Variants in SPRY3 observed in about 807,000 individuals in gnomAD.
The protein encoded by SPRY3 is sprouty RTK signaling antagonist 3.
Under a neutral mutation model 20.2 loss-of-function variants are expected in SPRY3, and 15 were observed. That is an observed-to-expected ratio of 0.74 (90% CI 0.50 to 1.14). The LOEUF (loss-of-function observed/expected upper bound fraction) is 1.14. Ranked by LOEUF, SPRY3 falls within the 50% of genes most tolerant of loss-of-function variation. The pLI, the probability that SPRY3 is intolerant of heterozygous loss-of-function variation, is 0.00. For missense variants in SPRY3, 364 were observed against 363.9 expected, an observed-to-expected ratio of 1.00 and a Z score of 0.00; for synonymous variants, 143 against 136.5, an observed-to-expected ratio of 1.05 and a Z score of -0.33.
intron 1 of SPRY3, among the ~76,000 whole-genome samples, chrX:155,631,567 T>C (rs2067906535): frequency 8.9e-6 from 1 of 112,298 alleles, no homozygotes; most frequent in East Asian, 2.8e-4. Flanking sequence ...CCATCAATGG[T>C]GTATAAGCAT....
intron 1 of SPRY3, among the ~76,000 whole-genome samples, chrX:155,633,124 G>A (rs150448969): frequency 9.0e-6 from 1 of 110,995 alleles, no homozygotes; most frequent in East Asian, 2.8e-4. Context: ...TGAAATAGAT[G>A]GGTAGATTAC....
At position 155,619,306 on chromosome X, in the gene SPRY3, T is replaced by C. The variant is rs1273277009; in HGVS notation, c.-441+6659T>C. Among the ~76,000 whole-genome samples the C allele has an allele frequency of 4.5e-5, 5 of 111,149 alleles. No homozygotes were observed. In the East Asian group the frequency reaches 1.1e-3, roughly 25 times the overall value. ...GGCTATCCTTACTTTTTTTTTAACT[T>C]GCTTTTGCACATTTGTCAAAAGTCA... On this transcript the variant is annotated intron_variant, in intron 1 of 3. Transcript: ENST00000675360.
chrX:155,733,623 A>T (rs1038025354), intron 2 of SPRY3, among the ~76,000 whole-genome samples: 4 of 152,156 alleles, frequency 2.6e-5, no homozygotes, highest in African/African-American at 9.6e-5. Flanking sequence ...CACCAGCTGC[A>T]TTAGCCCTTA....
intron 1 of SPRY3, among the ~76,000 whole-genome samples, chrX:155,623,777 G>C: frequency 8.9e-6 from 1 of 112,314 alleles, no homozygotes; most frequent in Non-Finnish European, 1.9e-5. Flanking sequence ...CAGCTTTGCT[G>C]ATTTCTGCAT....
intron 3 of SPRY3, among the ~76,000 whole-genome samples, chrX:155,768,441 G>A (rs189795223): frequency 1.6e-3 from 246 of 152,102 alleles, no homozygotes; most frequent in Admixed American, 4.1e-3. Flanking sequence ...ATGCATTTTG[G>A]TACTTGCCTA....
chrX:155,734,939 A>T (rs1379558663), intron 2 of SPRY3, among the ~76,000 whole-genome samples: 2 of 151,772 alleles, frequency 1.3e-5, no homozygotes, highest in Non-Finnish European at 2.9e-5. Flanking sequence ...CTCAGGTAAA[A>T]GTTTATATTA....
At chrX:155,776,921 A>G (rs1047276335), downstream of SPRY3, 2 of 167,048 alleles carry the variant, frequency 1.2e-5, no homozygotes, top group Admixed American at 1.3e-4. Flanking sequence ...CTATTTTTGT[A>G]TATATAAATA....
intron 1 of SPRY3, among the ~76,000 whole-genome samples, chrX:155,625,837 A>G (rs2067886371): frequency 8.9e-6 from 1 of 111,752 alleles, no homozygotes; most frequent in South Asian, 3.7e-4. Context: ...GGTCCTTTGT[A>G]ACTGTATTAT....
chrX:155,760,531 T>C (rs1026482830), intron 2 of SPRY3, among the ~76,000 whole-genome samples: 1 of 152,180 alleles, frequency 6.6e-6, no homozygotes, highest in Non-Finnish European at 1.5e-5. Context: ...CGACAAAGTT[T>C]GTGTCTTTCT....
At chrX:155,772,891 T>C (rs779093805) in intron 3 of SPRY3, among the ~76,000 whole-genome samples, 1 of 152,200 alleles carries the variant, frequency 6.6e-6, no homozygotes, top group South Asian at 2.1e-4. Context: ...GTAAGTCTCA[T>C]CAATATGGAG....
intron 2 of SPRY3, among the ~76,000 whole-genome samples, chrX:155,759,288 T>C (rs1259746546): frequency 2.0e-5 from 3 of 152,130 alleles, no homozygotes; most frequent in African/African-American, 7.2e-5. Flanking sequence ...CCTCCCAAAA[T>C]GCTGGGATTA....
At chrX:155,634,061 C>A (rs781840984) in intron 1 of SPRY3, among the ~76,000 whole-genome samples, 1 of 108,038 alleles carries the variant, frequency 9.3e-6, no homozygotes, top group East Asian at 2.9e-4. Context: ...AGCCTGGCGA[C>A]AGAGCGAGAC....
At chrX:155,633,942 G>A (rs1367310808) in intron 1 of SPRY3, among the ~76,000 whole-genome samples, 1 of 111,269 alleles carries the variant, frequency 9.0e-6, no homozygotes, top group African/African-American at 3.3e-5. Context: ...TTAGCTGGGC[G>A]TGGTGGCATG....
chrX:155,672,756 A>C (rs1234556825), intron 2 of SPRY3, among the ~76,000 whole-genome samples: 3 of 105,101 alleles, frequency 2.9e-5, no homozygotes, highest in Non-Finnish European at 5.9e-5. Flanking sequence ...CTATAAAGAC[A>C]CATGCACACG....
intron 1 of SPRY3, among the ~76,000 whole-genome samples, chrX:155,632,247 G>GCA (rs1234920885): frequency 2.8e-3 from 111 of 40,118 alleles, no homozygotes; most frequent in South Asian, 6.0e-3. Context: ...ACACACACAC[G>GCA]CACACACACA....
intron 1 of SPRY3, among the ~76,000 whole-genome samples, chrX:155,649,156 C>T (rs2067967879): frequency 9.0e-6 from 1 of 111,420 alleles, no homozygotes; most frequent in African/African-American, 3.3e-5. Flanking sequence ...AAGCCCAGGA[C>T]CAGACAGATT....
At chrX:155,713,953 C>A (rs1351782182) in intron 2 of SPRY3, among the ~76,000 whole-genome samples, 1 of 152,122 alleles carries the variant, frequency 6.6e-6, no homozygotes, top group Admixed American at 6.5e-5. Flanking sequence ...CTAATTCTTT[C>A]TTCTGCTTCA....
At chrX:155,660,914 T>C (rs1028288725) in intron 2 of SPRY3, among the ~76,000 whole-genome samples, 15 of 111,389 alleles carry the variant, frequency 1.3e-4, no homozygotes, top group African/African-American at 4.9e-4. Context: ...TCTGTAAATA[T>C]CTTACCAGTT....
At chrX:155,727,037 G>A (rs2091103080) in intron 2 of SPRY3, among the ~76,000 whole-genome samples, 1 of 152,016 alleles carries the variant, frequency 6.6e-6, no homozygotes, top group Non-Finnish European at 1.5e-5. Context: ...GTCTCTAAAG[G>A]AGTTTATTTC....
Sources: gnomAD v4.1 joint callset for allele counts (sites outside exome capture counted in the v4.1 genomes callset) on GRCh38, gnomAD v4.1.1 for gene constraint, MANE v1.5 for transcripts, NCBI Gene and HGNC (gene_info 2026-07-23, HGNC 2026-07-21) for gene names.